Variants in FAM135A observed in about 807,000 individuals in gnomAD.
The protein encoded by FAM135A is protein FAM135A.
In FAM135A, 79 loss-of-function variants were observed where a neutral mutation model predicts 146.8. The observed-to-expected ratio is 0.54, with a 90% CI of 0.45 to 0.65. The LOEUF (loss-of-function observed/expected upper bound fraction) is 0.65, where lower values mean the gene tolerates loss of function less well. FAM135A is among the 30% of genes least tolerant of loss of function. The pLI, the probability that FAM135A is intolerant of heterozygous loss-of-function variation, is 0.00. For missense variants in FAM135A, 1,623 were observed against 1,758.2 expected (o/e 0.92, Z 1.38); for synonymous variants, 562 against 603.6 (o/e 0.93, Z 1.01).
chr6:70,496,664 C>T (rs1483123058), intron 11 of FAM135A, among the ~76,000 whole-genome samples: 1 of 152,096 alleles, frequency 6.6e-6, no homozygotes, highest in Non-Finnish European at 1.5e-5. Flanking sequence ...TTTAATCCAT[C>T]CTGAGTTAAT....
At chr6:70,435,948 C>A (rs1257985054) in intron 4 of FAM135A, among the ~76,000 whole-genome samples, 1 of 152,096 alleles carries the variant, frequency 6.6e-6, no homozygotes, top group Admixed American at 6.6e-5. Flanking sequence ...CTTTGGGAGG[C>A]CGAAGCAGGC....
At chr6:70,487,405 T>G (rs1269592002) in intron 10 of FAM135A, among the ~76,000 whole-genome samples, 2 of 152,050 alleles carry the variant, frequency 1.3e-5, no homozygotes, top group African/African-American at 4.8e-5. Flanking sequence ...CCATCACAAT[T>G]TTTTAAAAAA....
intron 10 of FAM135A, among the ~76,000 whole-genome samples, chr6:70,487,171 T>A (rs1784858713): frequency 6.6e-6 from 1 of 151,852 alleles, no homozygotes; most frequent in African/African-American, 2.4e-5. Flanking sequence ...GTTGTATGTT[T>A]GTTTGTTTGT....
At chr6:70,440,253 GTT>G (rs2127936448) in intron 4 of FAM135A, among the ~76,000 whole-genome samples, 1 of 152,192 alleles carries the variant, frequency 6.6e-6, no homozygotes, top group East Asian at 1.9e-4. Context: ...GTAATTTCTG[GTT>G]TTCTCTTTTT....
At chr6:70,425,774 G>A (rs924415311) in intron 2 of FAM135A, among the ~76,000 whole-genome samples, 1 of 152,124 alleles carries the variant, frequency 6.6e-6, no homozygotes, top group African/African-American at 2.4e-5. Flanking sequence ...TACTCAGGGA[G>A]TTACTTTAAA....
intron 11 of FAM135A, among the ~76,000 whole-genome samples, chr6:70,492,211 T>C (rs780014879): frequency 6.6e-6 from 1 of 151,774 alleles, no homozygotes; most frequent in Non-Finnish European, 1.5e-5. Flanking sequence ...TCAGAGGAAT[T>C]AAACAGCCCT....
chr6:70,483,113 G>A (rs982433058), intron 10 of FAM135A, among the ~76,000 whole-genome samples: 2 of 151,964 alleles, frequency 1.3e-5, no homozygotes, highest in African/African-American at 2.4e-5. Flanking sequence ...AACTTGTGTC[G>A]GATTACAGAG....
chr6:70,457,563 G>A (rs1219514767), intron 5 of FAM135A, among the ~76,000 whole-genome samples: 1 of 152,106 alleles, frequency 6.6e-6, no homozygotes, highest in Non-Finnish European at 1.5e-5. Flanking sequence ...TTTTATAGCT[G>A]CTCAGTCCCT....
chr6:70,520,998 G>C (rs7746414), intron 12 of FAM135A, among the ~76,000 whole-genome samples: 3,837 of 152,268 alleles, frequency 0.025, 117 homozygotes, highest in African/African-American at 0.069. Context: ...CAGGTTTATC[G>C]CCTACTAGCT....
At chr6:70,502,564 C>T in intron 11 of FAM135A, 72 bp from the exon 12 acceptor site, 3 of 1,471,262 alleles carry the variant, frequency 2.0e-6, no homozygotes, top group Admixed American at 2.1e-5. Flanking sequence ...TTAATATTCT[C>T]AATAACATTA....
At chr6:70,513,717 T>C (rs760446697) in intron 12 of FAM135A, among the ~76,000 whole-genome samples, 3 of 152,102 alleles carry the variant, frequency 2.0e-5, no homozygotes, top group Non-Finnish European at 2.9e-5. Flanking sequence ...CTTTATTGCT[T>C]TGCTAAATTT....
intron 10 of FAM135A, among the ~76,000 whole-genome samples, chr6:70,485,323 G>A (rs1474739294): frequency 6.6e-6 from 1 of 151,890 alleles, no homozygotes; most frequent in Non-Finnish European, 1.5e-5. Context: ...AAACTTTACG[G>A]TTTTTATTTT....
chr6:70,480,366 A>T (rs1783472863), intron 8 of FAM135A, among the ~76,000 whole-genome samples: 1 of 152,184 alleles, frequency 6.6e-6, no homozygotes, highest in Non-Finnish European at 1.5e-5. Flanking sequence ...GCTGCTAGGG[A>T]CTTGAATAAT....
chr6:70,526,096 T>C lies in FAM135A; in HGVS notation c.3012T>C (p.Asn1004=). 1.2e-6 allele frequency: 2 copies of C among 1,613,298 alleles called. No individual in the cohort carries two copies. ...TGAAAAAAAATAGTGATGTATTAAA[T>C]CTCACACAGATGTATTCAGAAATCC... is the stretch of plus-strand genomic sequence containing the variant. ...RTMKKNSDVL[N]LTQMYSEIPT... The change falls in exon 15 of 22, where the codon AAT becomes AAC. Residue 1004 remains asparagine, a synonymous_variant. Coordinates refer to ENST00000418814, the MANE Select transcript of FAM135A (RefSeq NM_001162529.3).
intron 2 of FAM135A, among the ~76,000 whole-genome samples, chr6:70,425,829 C>T (rs1044202835): frequency 3.9e-5 from 6 of 152,250 alleles, no homozygotes; most frequent in East Asian, 1.9e-4. Context: ...TAGGGCCGGG[C>T]GCGGTGGCTC....
intron 10 of FAM135A, among the ~76,000 whole-genome samples, chr6:70,489,484 G>A (rs923641276): frequency 2.0e-5 from 3 of 152,136 alleles, no homozygotes; most frequent in Admixed American, 2.0e-4. Flanking sequence ...ATGTTACCGG[G>A]TGGGGTACAG....
At position 70,532,820 on chromosome 6, in the gene FAM135A, T is replaced by C. The variant is rs143575739; in HGVS notation, c.3776-340T>C. On this transcript the variant is annotated intron_variant, in intron 16 of 21. Coordinates refer to ENST00000418814, the MANE Select transcript of FAM135A (RefSeq NM_001162529.3). ...GGTGGGATGCACCTGTAGTCCCAGCTACTTGGGAGCTTGAGGCAGGAGAAT... is the reference window on the plus strand; with the variant it reads ...GGTGGGATGCACCTGTAGTCCCAGCCACTTGGGAGCTTGAGGCAGGAGAAT... Among the ~76,000 whole-genome samples the C allele has an allele frequency of 3.2e-3, 489 of 152,040 alleles. 3 individuals carry two copies. Among genetic ancestry groups the C allele is most frequent in the African/African-American group, 0.011 (460 of 41,466 alleles).
At chr6:70,461,472 T>G (rs1300895036) in intron 5 of FAM135A, among the ~76,000 whole-genome samples, 2 of 151,852 alleles carry the variant, frequency 1.3e-5, no homozygotes, top group African/African-American at 4.9e-5. Flanking sequence ...TGTAAAGAAC[T>G]GAAACATAAT....
At chr6:70,519,637 G>C (rs2747698) in intron 12 of FAM135A, among the ~76,000 whole-genome samples, 81,928 of 152,110 alleles carry the variant, frequency 0.54, 23,968 homozygotes, top group African/African-American at 0.78. Context: ...AGCAGCAAAA[G>C]TAGCCGAAGG....
Sources: allele counts gnomAD v4.1 joint callset (sites outside exome capture counted in the v4.1 genomes callset), GRCh38; gene constraint gnomAD v4.1.1; transcripts MANE v1.5; gene names NCBI Gene and HGNC (gene_info 2026-07-23, HGNC 2026-07-21).